The following PRKG1 variants were observed in gnomAD, a reference collection of about 807,000 sequenced individuals.
PRKG1 encodes protein kinase cGMP-dependent 1, also known as cGMP-dependent protein kinase 1.
PRKG1 carries 35 observed loss-of-function variants against 88.1 expected under a neutral mutation model. That is an observed-to-expected ratio of 0.40 (90% CI 0.30 to 0.53). PRKG1 has a LOEUF of 0.53. PRKG1 is among the 20% of genes least tolerant of loss of function. PRKG1 has a pLI of 0.59. For synonymous variants in PRKG1, 303 were observed against 292.5 expected (o/e 1.04, Z -0.37); for missense variants, 540 against 839.8 (o/e 0.64, Z 4.41).
intron 7 of PRKG1, among the ~76,000 whole-genome samples, chr10:52,089,371 A>T (rs889740149): frequency 6.6e-6 from 1 of 152,208 alleles, no homozygotes; most frequent in Non-Finnish European, 1.5e-5. Flanking sequence ...TTGGTTGGCC[A>T]TTCTCAGCAA....
chr10:51,010,869 C>T lies in PRKG1; in HGVS notation c.266+19225C>T, dbSNP rs972428296. 2.6e-5 allele frequency among the ~76,000 whole-genome samples: 4 copies of T among 152,162 alleles called. No homozygotes were observed. In the South Asian group the frequency reaches 8.3e-4, roughly 32 times the overall value. Reference sequence around the variant, plus strand: ...TTAATTTACATTTTTGTTGAATTTACAGCAAACTTAATTTATAGCCACGCA... The same window carrying T: ...TTAATTTACATTTTTGTTGAATTTATAGCAAACTTAATTTATAGCCACGCA... On this transcript the variant is annotated intron_variant, in intron 1 of 17. Transcript: ENST00000401604.
At chr10:52,040,389 C>G (rs1845726011) in intron 5 of PRKG1, among the ~76,000 whole-genome samples, 1 of 152,168 alleles carries the variant, frequency 6.6e-6, no homozygotes, top group Admixed American at 6.5e-5. Flanking sequence ...TCAAGTTCTG[C>G]TGAAGCTAAT....
intron 3 of PRKG1, among the ~76,000 whole-genome samples, chr10:51,762,082 C>A (rs946881282): frequency 5.9e-5 from 9 of 152,014 alleles, no homozygotes; most frequent in African/African-American, 2.2e-4. Flanking sequence ...AGAATTTTCA[C>A]TGAGTTAATA....
At chr10:51,268,531 G>A (rs1464655866) in intron 2 of PRKG1, among the ~76,000 whole-genome samples, 1 of 151,088 alleles carries the variant, frequency 6.6e-6, no homozygotes, top group African/African-American at 2.4e-5. Flanking sequence ...ATTTGCTTTT[G>A]AAAGAAGAGA....
intron 1 of PRKG1, among the ~76,000 whole-genome samples, chr10:51,057,600 TCAC>T (rs1367512241): frequency 6.6e-6 from 1 of 152,176 alleles, no homozygotes; most frequent in Non-Finnish European, 1.5e-5. Context: ...ACTATTATCT[TCAC>T]CATTAATTTT....
At chr10:51,241,425 A>T (rs1839149837) in intron 2 of PRKG1, among the ~76,000 whole-genome samples, 1 of 152,228 alleles carries the variant, frequency 6.6e-6, no homozygotes, top group African/African-American at 2.4e-5. Flanking sequence ...TGAAGAGGAA[A>T]GATAATCACA....
intron 9 of PRKG1, among the ~76,000 whole-genome samples, chr10:52,218,495 A>G (rs1840168679): frequency 6.6e-6 from 1 of 152,152 alleles, no homozygotes; most frequent in African/African-American, 2.4e-5. Flanking sequence ...AGTATGACCC[A>G]ATTTCTTTTT....
chr10:51,217,135 G>A (rs1414452188), intron 2 of PRKG1, among the ~76,000 whole-genome samples: 2 of 152,116 alleles, frequency 1.3e-5, no homozygotes, highest in African/African-American at 2.4e-5. Flanking sequence ...GTATAATTGT[G>A]TGTTTATGTA....
chr10:51,417,461 C>A (rs915154126), intron 2 of PRKG1, among the ~76,000 whole-genome samples: 2 of 152,142 alleles, frequency 1.3e-5, no homozygotes, highest in Non-Finnish European at 2.9e-5. Flanking sequence ...GTTGGAGGCT[C>A]TGTATGATAT....
intron 2 of PRKG1, among the ~76,000 whole-genome samples, chr10:51,271,489 G>C (rs956382942): frequency 6.6e-6 from 1 of 152,062 alleles, no homozygotes; most frequent in Non-Finnish European, 1.5e-5. Context: ...TAATATTATG[G>C]ATATAAGATG....
chr10:52,068,830 A>C (rs11000678), intron 7 of PRKG1, among the ~76,000 whole-genome samples: 26,298 of 152,170 alleles, frequency 0.17, 2,860 homozygotes, highest in South Asian at 0.28. Context: ...CTGTAAACTA[A>C]GCCAATTGAA....
intron 4 of PRKG1, among the ~76,000 whole-genome samples, chr10:51,899,127 T>C (rs1245265169): frequency 6.6e-6 from 1 of 152,166 alleles, no homozygotes; most frequent in African/African-American, 2.4e-5. Context: ...CTCTTAATAT[T>C]ATCTTGTAGG....
chr10:51,165,353 G>T (rs1361059186), intron 2 of PRKG1, among the ~76,000 whole-genome samples: 3 of 151,790 alleles, frequency 2.0e-5, no homozygotes, highest in Admixed American at 2.0e-4. Context: ...AATGCTGAGA[G>T]ATTTTGTCAC....
intron 7 of PRKG1, among the ~76,000 whole-genome samples, chr10:52,124,159 T>G (rs1310985132): frequency 6.6e-6 from 1 of 152,144 alleles, no homozygotes; most frequent in Admixed American, 6.5e-5. Flanking sequence ...TTAAGCTACT[T>G]AGAATGGTGT....
At chr10:51,992,715 A>C (rs11000400) in intron 5 of PRKG1, among the ~76,000 whole-genome samples, 34,541 of 152,062 alleles carry the variant, frequency 0.23, 5,599 homozygotes, top group African/African-American at 0.44. Flanking sequence ...TATGTAGCGT[A>C]TGTGTGTCTC....
At chr10:52,038,747 G>A (rs920535595) in intron 5 of PRKG1, among the ~76,000 whole-genome samples, 31 of 152,134 alleles carry the variant, frequency 2.0e-4, no homozygotes, top group African/African-American at 3.4e-4. Context: ...TCAGAGAGGC[G>A]TCCCTGCAAT....
At chr10:52,038,694 G>T (rs1845680362) in intron 5 of PRKG1, among the ~76,000 whole-genome samples, 1 of 152,108 alleles carries the variant, frequency 6.6e-6, no homozygotes, top group South Asian at 2.1e-4. Context: ...ACCAAGGCAG[G>T]CGTCCCTGCG....
At chr10:52,171,432 C>A (rs866895221) in intron 9 of PRKG1, among the ~76,000 whole-genome samples, 3 of 152,062 alleles carry the variant, frequency 2.0e-5, no homozygotes, top group Non-Finnish European at 2.9e-5. Context: ...CAGAAGGCAG[C>A]CCCATTTTCT....
At chr10:51,032,081 A>T (rs552896550) in intron 1 of PRKG1, among the ~76,000 whole-genome samples, 1 of 152,296 alleles carries the variant, frequency 6.6e-6, no homozygotes, top group African/African-American at 2.4e-5. Context: ...TTTCTTGGGA[A>T]ATCTTCCAGC....
Sources: gnomAD v4.1 joint callset for allele counts (sites outside exome capture counted in the v4.1 genomes callset) on GRCh38, gnomAD v4.1.1 for gene constraint, MANE v1.5 for transcripts, NCBI Gene and HGNC (gene_info 2026-07-23, HGNC 2026-07-21) for gene names.